The following CLASP1 variants were observed in gnomAD, a reference collection of about 807,000 sequenced individuals.
CLASP1 encodes the protein cytoplasmic linker associated protein 1.
Under a neutral mutation model 192.3 loss-of-function variants are expected in CLASP1, and 38 were observed. The ratio of observed to expected loss-of-function variants is 0.20; its 90% CI spans 0.15 to 0.26. The LOEUF (loss-of-function observed/expected upper bound fraction) is 0.26. CLASP1 is among the 10% of genes least tolerant of loss of function. The pLI, the probability that CLASP1 is intolerant of heterozygous loss-of-function variation, is 1.00. For missense variants in CLASP1, 1,433 were observed against 1,932.5 expected, an observed-to-expected ratio of 0.74 and a Z score of 4.85; for synonymous variants, 691 against 712.8, an observed-to-expected ratio of 0.97 and a Z score of 0.49.
At chr2:121,608,216 G>A (rs1437238513) in intron 1 of CLASP1, among the ~76,000 whole-genome samples, 2 of 152,164 alleles carry the variant, frequency 1.3e-5, no homozygotes, top group East Asian at 3.8e-4. Context: ...AACGATACGG[G>A]AAAACTTAAG....
At chr2:121,590,432 T>A (rs2062251227) in intron 2 of CLASP1, among the ~76,000 whole-genome samples, 1 of 152,222 alleles carries the variant, frequency 6.6e-6, no homozygotes, top group South Asian at 2.1e-4. Context: ...ACATTAAAAA[T>A]ATTTTAAATC....
At chr2:121,601,476 T>C (rs911241477) in intron 2 of CLASP1, among the ~76,000 whole-genome samples, 1 of 152,124 alleles carries the variant, frequency 6.6e-6, no homozygotes, top group African/African-American at 2.4e-5. Context: ...TTCACCATGT[T>C]GGCCAGGCTA....
chr2:121,468,053 C>G (rs2089986560), intron 9 of CLASP1, among the ~76,000 whole-genome samples: 1 of 152,160 alleles, frequency 6.6e-6, no homozygotes, highest in Non-Finnish European at 1.5e-5. Context: ...GGAATTCTTT[C>G]CCCATTGCTT....
chr2:121,627,415 G>A (rs1375464249), intron 1 of CLASP1, among the ~76,000 whole-genome samples: 1 of 152,182 alleles, frequency 6.6e-6, no homozygotes, highest in Non-Finnish European at 1.5e-5. Flanking sequence ...CCCTCAACAA[G>A]CTCCATGTTC....
chr2:121,430,338 CCT>C (rs1171405204), intron 19 of CLASP1, among the ~76,000 whole-genome samples, 161 bp from the exon 20 acceptor site: 2 of 152,288 alleles, frequency 1.3e-5, no homozygotes, highest in East Asian at 1.9e-4. Flanking sequence ...GCCACGTCTC[CCT>C]GTGTGTGCAT....
chr2:121,574,816 A>T (rs900850233), intron 2 of CLASP1, among the ~76,000 whole-genome samples: 7 of 151,644 alleles, frequency 4.6e-5, no homozygotes, highest in African/African-American at 1.7e-4. Flanking sequence ...ATGTGCCTAT[A>T]ATCCAAGCTA....
chr2:121,397,492 G>A (rs1324101702), intron 29 of CLASP1, among the ~76,000 whole-genome samples: 6 of 152,162 alleles, frequency 3.9e-5, no homozygotes, highest in African/African-American at 1.4e-4. Context: ...GAGGCACATG[G>A]CTCAGTTTTC....
chr2:121,498,451 C>T (rs1230310727), intron 8 of CLASP1, among the ~76,000 whole-genome samples: 3 of 152,134 alleles, frequency 2.0e-5, no homozygotes, highest in Non-Finnish European at 4.4e-5. Context: ...AGATAATCTG[C>T]CTGTCTCGGT....
chr2:121,448,489 G>A (rs530786964), intron 17 of CLASP1, among the ~76,000 whole-genome samples, 164 bp from the exon 18 acceptor site: 1 of 152,310 alleles, frequency 6.6e-6, no homozygotes, highest in African/African-American at 2.4e-5. Flanking sequence ...TCCCAACGAA[G>A]CTTTAGCAAT....
chr2:121,614,474 C>T (rs1296000855), intron 1 of CLASP1, among the ~76,000 whole-genome samples: 1 of 151,896 alleles, frequency 6.6e-6, no homozygotes, highest in Admixed American at 6.6e-5. Flanking sequence ...CCAGTTGGGG[C>T]GACAGAGTGA....
rs546282302 is a variant in CLASP1 at position 121,388,458 on chromosome 2, G to A, written c.3124-552C>T. Among the ~76,000 whole-genome samples the A allele has an allele frequency of 3.0e-4, 46 of 152,234 alleles. 1 individual carries two copies. Among genetic ancestry groups the A allele is most frequent in the African/African-American group, 1.1e-3 (45 of 41,546 alleles). ...GACTTTGAGAAGCAAATCAGATTTC[G>A]AAGGAGTCTACGTTAAAAACATGCT... is the stretch of plus-strand genomic sequence containing the variant. On this transcript the variant is annotated intron_variant, in intron 30 of 39. Transcript: ENST00000263710.
At chr2:121,493,188 T>A (rs2093392805) in intron 8 of CLASP1, among the ~76,000 whole-genome samples, 1 of 151,982 alleles carries the variant, frequency 6.6e-6, no homozygotes, top group Non-Finnish European at 1.5e-5. Flanking sequence ...ATAGCCAAAG[T>A]CATCCTAAGC....
At chr2:121,356,789 G>A (rs1321532348) in intron 37 of CLASP1, among the ~76,000 whole-genome samples, 1 of 152,158 alleles carries the variant, frequency 6.6e-6, no homozygotes, top group East Asian at 1.9e-4. Flanking sequence ...AGGAGATTCA[G>A]GGCAACACAA....
intron 6 of CLASP1, among the ~76,000 whole-genome samples, chr2:121,521,495 T>C (rs1234264416): frequency 1.3e-5 from 2 of 152,192 alleles, no homozygotes; most frequent in Admixed American, 1.3e-4. Context: ...TCCGAGCTAC[T>C]GGCAGATCCC....
chr2:121,470,408 C>T (rs2090505932), intron 8 of CLASP1: 1 of 435,526 alleles, frequency 2.3e-6, no homozygotes, highest in Non-Finnish European at 4.4e-6. Context: ...TACTTGGTCA[C>T]CTGGTACACA....
chr2:121,441,361 T>G (rs773748437), intron 19 of CLASP1, among the ~76,000 whole-genome samples: 6 of 152,192 alleles, frequency 3.9e-5, no homozygotes, highest in African/African-American at 7.2e-5. Context: ...TACACTGACA[T>G]CTTTTACAGA....
At chr2:121,565,678 A>G (rs2059437069) in intron 2 of CLASP1, among the ~76,000 whole-genome samples, 1 of 152,134 alleles carries the variant, frequency 6.6e-6, no homozygotes, top group African/African-American at 2.4e-5. Context: ...GTGAGCCCAG[A>G]GCCTTTTTTC....
At chr2:121,354,511 A>G (rs962639163) in intron 37 of CLASP1, among the ~76,000 whole-genome samples, 2 of 152,142 alleles carry the variant, frequency 1.3e-5, no homozygotes, top group African/African-American at 4.8e-5. Flanking sequence ...AGCTGAGTGG[A>G]TGGTGAAAAG....
intron 37 of CLASP1, among the ~76,000 whole-genome samples, chr2:121,351,792 G>A (rs1454545591): frequency 1.3e-5 from 2 of 152,198 alleles, no homozygotes; most frequent in East Asian, 1.9e-4. Flanking sequence ...CCCAAGATTC[G>A]CCTGTGCTCA....
Sources: gnomAD v4.1 joint callset for allele counts (sites outside exome capture counted in the v4.1 genomes callset) on GRCh38, gnomAD v4.1.1 for gene constraint, MANE v1.5 for transcripts, NCBI Gene and HGNC (gene_info 2026-07-23, HGNC 2026-07-21) for gene names.